CACNA2D1: variants seen among roughly 807,000 people sequenced by gnomAD.
CACNA2D1 encodes voltage-dependent calcium channel subunit alpha-2/delta-1.
A neutral mutation model predicts 171.5 loss-of-function variants in CACNA2D1; 53 were observed. That is an observed-to-expected ratio of 0.31 (90% CI 0.25 to 0.39). CACNA2D1 has a LOEUF of 0.39. CACNA2D1 is among the 10% of genes least tolerant of loss of function. The probability of loss-of-function intolerance (pLI) is 1.00; values close to 1 mark genes in which losing one functional copy is unlikely to be tolerated. For missense variants in CACNA2D1, 903 were observed against 1,299.8 expected (o/e 0.69, Z 4.69); for synonymous variants, 442 against 443.1 (o/e 1.00, Z 0.03).
chr7:82,192,468 G>T (rs376299545), intron 3 of CACNA2D1, among the ~76,000 whole-genome samples: 1 of 1,964 alleles, frequency 5.1e-4, no homozygotes. Context: ...GTTTGTGTGT[G>T]TGTGTGTGTG....
chr7:81,961,585 A>T (rs1419379142), intron 36 of CACNA2D1, among the ~76,000 whole-genome samples: 23 of 151,164 alleles, frequency 1.5e-4, no homozygotes, highest in Non-Finnish European at 3.4e-4. Context: ...AAAAAAGTTA[A>T]AATATAATCA....
intron 2 of CACNA2D1, among the ~76,000 whole-genome samples, chr7:82,345,392 G>A (rs1169526248): frequency 6.6e-6 from 1 of 152,090 alleles, no homozygotes; most frequent in South Asian, 2.1e-4. Flanking sequence ...ACTGTAGAAT[G>A]GGCCTACCTT....
chr7:81,986,721 TTA>T (rs918752607), intron 21 of CACNA2D1, among the ~76,000 whole-genome samples: 1 of 152,104 alleles, frequency 6.6e-6, no homozygotes, highest in African/African-American at 2.4e-5. Context: ...AAATAAAATG[TTA>T]TGTAGACTTA....
rs1554319281 is a variant in CACNA2D1, at chr7:81,948,106, A to G, written c.*2286T>C. ...TAGATTTTGAACATAATTTTAAGGT[A>G]GTTTGTTGTATGCTGGAAGCAATTC... On this transcript the variant is annotated 3_prime_UTR_variant, in exon 39 of 39. Coordinates refer to ENST00000356860, the MANE Select transcript of CACNA2D1 (RefSeq NM_000722.4). 1 of 151,860 alleles carries G rather than the reference A, an allele frequency of 6.6e-6. No homozygotes were observed. Among genetic ancestry groups the G allele is most frequent in the Non-Finnish European group, 1.5e-5 (1 of 67,820 alleles). 9.4% of individuals were successfully genotyped at this position (151,860 alleles called of 1,614,324 possible). A position where few individuals can be genotyped will look rare whatever the true frequency, so the allele number is the denominator to read the frequency against.
intron 1 of CACNA2D1, among the ~76,000 whole-genome samples, chr7:82,399,431 C>G (rs1826104681): frequency 6.6e-6 from 1 of 150,780 alleles, no homozygotes; most frequent in African/African-American, 2.4e-5. Context: ...CAGAGCAAGA[C>G]TCCATCTCAA....
chr7:82,013,965 A>T (rs1039750674), intron 13 of CACNA2D1, among the ~76,000 whole-genome samples: 7 of 152,048 alleles, frequency 4.6e-5, no homozygotes, highest in African/African-American at 1.7e-4. Context: ...CTGAGTGAAA[A>T]TATGAGCTCA....
At chr7:82,350,399 C>T (rs1308456125) in intron 1 of CACNA2D1, among the ~76,000 whole-genome samples, 3 of 152,186 alleles carry the variant, frequency 2.0e-5, no homozygotes, top group Non-Finnish European at 4.4e-5. Flanking sequence ...GACACGGTGG[C>T]TCACACCTGT....
intron 3 of CACNA2D1, among the ~76,000 whole-genome samples, chr7:82,306,786 T>C (rs775170406): frequency 4.0e-5 from 6 of 151,346 alleles, no homozygotes; most frequent in Admixed American, 2.0e-4. Flanking sequence ...GAGTCATTAA[T>C]AGAATAAATA....
At chr7:82,079,305 T>C (rs117517651) in intron 7 of CACNA2D1, among the ~76,000 whole-genome samples, 1,933 of 152,298 alleles carry the variant, frequency 0.013, 20 homozygotes, top group Non-Finnish European at 0.022. Context: ...ATGAGGACTT[T>C]CCAAAGGTCA....
intron 1 of CACNA2D1, among the ~76,000 whole-genome samples, chr7:82,430,658 G>A (rs1418027162): frequency 1.3e-5 from 2 of 152,172 alleles, no homozygotes; most frequent in African/African-American, 4.8e-5. Flanking sequence ...GTGAAGGGCT[G>A]GAGTTAGATG....
chr7:82,232,665 AC>A (rs1166910701), intron 3 of CACNA2D1, among the ~76,000 whole-genome samples: 1 of 151,920 alleles, frequency 6.6e-6, no homozygotes, highest in Non-Finnish European at 1.5e-5. Flanking sequence ...GGAGATGGAG[AC>A]CATCCTGGCT....
At chr7:81,991,672 A>G (rs1348381417) in intron 20 of CACNA2D1, among the ~76,000 whole-genome samples, 1 of 152,160 alleles carries the variant, frequency 6.6e-6, no homozygotes, top group Non-Finnish European at 1.5e-5. Context: ...AGCCACTATT[A>G]TAGCATTATT....
At chr7:81,965,491 T>C (rs1367761811) in intron 32 of CACNA2D1, 103 bp downstream of exon 32, 3 of 764,864 alleles carry the variant, frequency 3.9e-6, no homozygotes. Context: ...ATGACAGAAA[T>C]AAAACAACTC....
At chr7:82,039,781 T>G (rs537527512) in intron 10 of CACNA2D1, among the ~76,000 whole-genome samples, 12 of 152,160 alleles carry the variant, frequency 7.9e-5, no homozygotes, top group South Asian at 4.1e-4. Context: ...GAACAACATG[T>G]GCAAAGGCCC....
At chr7:82,411,460 T>C (rs1827650385) in intron 1 of CACNA2D1, among the ~76,000 whole-genome samples, 1 of 152,206 alleles carries the variant, frequency 6.6e-6, no homozygotes, top group Non-Finnish European at 1.5e-5. Context: ...GCTTGGTATC[T>C]AGTACTCAAT....
intron 6 of CACNA2D1, among the ~76,000 whole-genome samples, chr7:82,109,587 C>T (rs2097914): frequency 0.081 from 12,378 of 152,092 alleles, 601 homozygotes; most frequent in South Asian, 0.16. Flanking sequence ...ACCATGGTAA[C>T]AATGAAACTA....
intron 4 of CACNA2D1, among the ~76,000 whole-genome samples, chr7:82,156,708 ATCTTTT>A: frequency 1.3e-5 from 2 of 152,018 alleles, no homozygotes; most frequent in Admixed American, 1.3e-4. Context: ...GTTTTTTTAA[ATCTTTT>A]TCTTTGTGAA....
At chr7:82,088,674 G>A (rs931806809) in intron 6 of CACNA2D1, among the ~76,000 whole-genome samples, 32 of 152,010 alleles carry the variant, frequency 2.1e-4, no homozygotes, top group African/African-American at 4.8e-4. Context: ...ATTTTTGACC[G>A]TAAAAATCCT....
chr7:82,241,371 T>C (rs1200611738), intron 3 of CACNA2D1, among the ~76,000 whole-genome samples: 1 of 152,226 alleles, frequency 6.6e-6, no homozygotes, highest in Non-Finnish European at 1.5e-5. Context: ...GCAGAGAGAA[T>C]AGTGCTAATC....
Sources: allele counts gnomAD v4.1 joint callset (sites outside exome capture counted in the v4.1 genomes callset), GRCh38; gene constraint gnomAD v4.1.1; transcripts MANE v1.5; gene names NCBI Gene and HGNC (gene_info 2026-07-23, HGNC 2026-07-21).